Variants in HOGA1 observed in about 807,000 individuals in gnomAD.
HOGA1 encodes the protein 4-hydroxy-2-oxoglutarate aldolase, mitochondrial.
A neutral mutation model predicts 34.3 loss-of-function variants in HOGA1; 30 were observed. The ratio of observed to expected loss-of-function variants is 0.87; its 90% CI spans 0.65 to 1.19. The LOEUF (loss-of-function observed/expected upper bound fraction) is 1.19. Ranked by LOEUF, HOGA1 falls within the 50% of genes most tolerant of loss-of-function variation. HOGA1 has a pLI of 0.00. For synonymous variants in HOGA1, 161 were observed against 174.0 expected (o/e 0.93, Z 0.59); for missense variants, 417 against 436.5 (o/e 0.96, Z 0.40).
In HOGA1 at chr10:97,584,639, G is replaced by A. The variant is rs1390443910; in HGVS notation, c.-65G>A. 1.0e-5 allele frequency: 14 copies of A among 1,378,546 alleles called. No individual in the cohort carries two copies. Among genetic ancestry groups the A allele is most frequent in the Non-Finnish European group, 1.4e-5 (14 of 994,290 alleles). 85.4% of individuals were successfully genotyped at this position (1,378,546 alleles called of 1,614,324 possible). A position where few individuals can be genotyped will look rare whatever the true frequency, so the allele number is the denominator to read the frequency against. On this transcript the variant is annotated 5_prime_UTR_variant, in exon 1 of 7. Transcript: ENST00000370646. Reference sequence around the variant, plus strand: ...AACATTGATCATTAATAGGGGGTTAGAAAGAGTTCAAACTAAGTCTCACTC... The same window carrying A: ...AACATTGATCATTAATAGGGGGTTAAAAAGAGTTCAAACTAAGTCTCACTC...
chr10:97,590,498 G>A (rs1445629826), intron 1 of HOGA1: 4 of 1,613,084 alleles, frequency 2.5e-6, no homozygotes, highest in Non-Finnish European at 3.4e-6. Flanking sequence ...CACCTTCTAT[G>A]GCCACAGTCA....
At chr10:97,599,288 T>G in intron 3 of HOGA1, 72 bp downstream of exon 3, 1 of 1,578,738 alleles carries the variant, frequency 6.3e-7, no homozygotes, top group South Asian at 1.1e-5. Context: ...GGGAATAGGG[T>G]GGTGCTTCAC....
At chr10:97,602,103 A>T in intron 6 of HOGA1, 113 bp downstream of exon 6, 1 of 1,550,356 alleles carries the variant, frequency 6.5e-7, no homozygotes, top group Non-Finnish European at 8.7e-7. Flanking sequence ...CCTTTCAGAA[A>T]ATCCTTTGAG....
chr10:97,609,234 C>T (rs550149940), intron 6 of HOGA1, among the ~76,000 whole-genome samples: 8 of 152,304 alleles, frequency 5.3e-5, no homozygotes, highest in Admixed American at 2.6e-4. Context: ...TCCCAGAACC[C>T]GCATGCCACC....
chr10:97,602,332 AAG>A, intron 6 of HOGA1: 2 of 1,238,678 alleles, frequency 1.6e-6, no homozygotes, highest in Non-Finnish European at 2.1e-6. Flanking sequence ...CCTGGAGAGA[AAG>A]AGTGTAAACC....
At chr10:97,605,842 C>T (rs7095236) in intron 6 of HOGA1, among the ~76,000 whole-genome samples, 150,929 of 152,300 alleles carry the variant, frequency 0.99, 74,807 homozygotes, top group Middle Eastern at 1. Flanking sequence ...CTTTGTTAGA[C>T]ATGTGGCTTG....
At chr10:97,596,506 C>T (rs776827484) in intron 1 of HOGA1, among the ~76,000 whole-genome samples, 25 of 152,076 alleles carry the variant, frequency 1.6e-4, no homozygotes, top group Non-Finnish European at 3.2e-4. Context: ...CTGGTCCAAT[C>T]GTAGCTAGAT....
chr10:97,601,712 C>T (rs550036886), intron 5 of HOGA1, 145 bp from the exon 6 acceptor site: 629 of 919,308 alleles, frequency 6.8e-4, no homozygotes, highest in Non-Finnish European at 9.9e-4. Flanking sequence ...ACTCTGGACT[C>T]ACAGAGCATG....
intron 1 of HOGA1, among the ~76,000 whole-genome samples, chr10:97,597,640 AG>A (rs1386720493): frequency 6.6e-6 from 1 of 152,152 alleles, no homozygotes; most frequent in Admixed American, 6.5e-5. Flanking sequence ...GCTGCTCCTG[AG>A]GTCTACACTG....
intron 1 of HOGA1, among the ~76,000 whole-genome samples, chr10:97,587,115 C>T (rs766093382): frequency 1.3e-5 from 2 of 152,206 alleles, no homozygotes; most frequent in Non-Finnish European, 2.9e-5. Context: ...CCCTTCCCTG[C>T]TTCCAGGGTG....
rs550989147 is a variant in HOGA1 at position 97,601,927 on chromosome 10, C to T, written c.771C>T (p.Cys257=). 7.4e-5 allele frequency: 119 copies of T among 1,613,176 alleles called. No homozygotes were observed. Among genetic ancestry groups the T allele is most frequent in the Middle Eastern group, 7.4e-4 (4 of 5,442 alleles). Residue 257 remains cysteine (C), a synonymous_variant, in exon 6 of 7, where the codon TGC becomes TGT. Transcript: ENST00000370646. ...AGGTGTGCCAGCTGGAGCGACTGTG[C>T]TGCACGGGGCAATGGGAAGATGCCC... ...GAQVCQLERL[C]CTGQWEDAQK...
rs2041197890 is a variant in HOGA1 at position 97,611,736 on chromosome 10, C to A, written c.*77C>A. 1.3e-6 allele frequency: 2 copies of A among 1,520,558 alleles called. No homozygotes were observed. The highest frequency in any genetic ancestry group is 1.4e-5 in the African/African-American group (1 of 73,478). 94.2% of individuals were successfully genotyped at this position (1,520,558 alleles called of 1,614,324 possible). A position where few individuals can be genotyped will look rare whatever the true frequency, so the allele number is the denominator to read the frequency against. On this transcript the variant is annotated 3_prime_UTR_variant, in exon 7 of 7. Coordinates refer to ENST00000370646, the MANE Select transcript of HOGA1 (RefSeq NM_138413.4). ...CACTTGCAGCCTGAAGCGGAGAGCA[C>A]AGGGGGATGAGGGTGGCAGGCAGCG...
rs769231703 is a variant in HOGA1, at chr10:97,611,557, G to C, written c.882G>C (p.Trp294Cys). 2.5e-6 allele frequency: 4 copies of C among 1,614,246 alleles called. No individual in the cohort carries two copies. Among genetic ancestry groups the C allele is most frequent in the Non-Finnish European group, 3.4e-6 (4 of 1,180,042 alleles). Reference protein sequence around the residue: ...GIPGLKKIMDWFGYYGGPCRA... With the variant: ...GIPGLKKIMDCFGYYGGPCRA... ...CAGGGCTGAAGAAAATCATGGACTG[G>C]TTTGGCTACTATGGAGGCCCCTGCC... is the stretch of plus-strand genomic sequence containing the variant. The change falls in exon 7 of 7, where the codon TGG (tryptophan) becomes TGC (cysteine). Residue 294 changes from tryptophan (W) to cysteine (C), a missense_variant. Coordinates refer to ENST00000370646, the MANE Select transcript of HOGA1 (RefSeq NM_138413.4).
At chr10:97,597,103 T>C (rs1217295352) in intron 1 of HOGA1, among the ~76,000 whole-genome samples, 1 of 151,106 alleles carries the variant, frequency 6.6e-6, no homozygotes, top group Admixed American at 6.6e-5. Flanking sequence ...CCAAATAGCC[T>C]CCAATTTTTT....
intron 1 of HOGA1, among the ~76,000 whole-genome samples, chr10:97,592,180 G>C (rs2041030663): frequency 6.6e-6 from 1 of 151,284 alleles, no homozygotes; most frequent in African/African-American, 2.4e-5. Flanking sequence ...TCATATTATA[G>C]CTAGGTAAGA....
At chr10:97,605,648 C>T (rs913952971) in intron 6 of HOGA1, among the ~76,000 whole-genome samples, 6 of 151,898 alleles carry the variant, frequency 4.0e-5, no homozygotes, top group Non-Finnish European at 5.9e-5. Flanking sequence ...AAATTAAAAC[C>T]GTCTCATTGT....
chr10:97,595,796 C>T (rs759441512), intron 1 of HOGA1, among the ~76,000 whole-genome samples: 10 of 152,200 alleles, frequency 6.6e-5, no homozygotes, highest in Non-Finnish European at 1.3e-4. Flanking sequence ...GTGCATCTGA[C>T]CCCTCTTCTG....
chr10:97,606,301 GGA>G (rs2135726828), intron 6 of HOGA1, among the ~76,000 whole-genome samples: 1 of 150,164 alleles, frequency 6.7e-6, no homozygotes, highest in Admixed American at 6.6e-5. Flanking sequence ...TCCATCTCAG[GGA>G]AAAAAAAAAA....
intron 1 of HOGA1, chr10:97,590,456 G>A: frequency 6.2e-7 from 1 of 1,613,830 alleles, no homozygotes. Flanking sequence ...CACCCAGCGG[G>A]AAAACACCAT....
Sources: allele counts gnomAD v4.1 joint callset (sites outside exome capture counted in the v4.1 genomes callset), GRCh38; gene constraint gnomAD v4.1.1; transcripts MANE v1.5; gene names NCBI Gene and HGNC (gene_info 2026-07-23, HGNC 2026-07-21).